The following PAX2 variants were observed in gnomAD, a reference collection of about 807,000 sequenced individuals.
PAX2 encodes the protein paired box protein Pax-2.
In PAX2, 9 loss-of-function variants were observed where a neutral mutation model predicts 41.7. The ratio of observed to expected loss-of-function variants is 0.22; its 90% CI spans 0.13 to 0.38. The LOEUF (loss-of-function observed/expected upper bound fraction) is 0.38, where lower values mean the gene tolerates loss of function less well. Among genes scored for constraint, PAX2 ranks in the 10% least tolerant of loss-of-function variants. The pLI is 1.00. For synonymous variants in PAX2, 221 were observed against 212.7 expected, an observed-to-expected ratio of 1.04 and a Z score of -0.34; for missense variants, 418 against 531.6, an observed-to-expected ratio of 0.79 and a Z score of 2.10.
chr10:100,825,322 C>T (rs1441820023), intron 8 of PAX2, among the ~76,000 whole-genome samples: 1 of 152,260 alleles, frequency 6.6e-6, no homozygotes, highest in East Asian at 1.9e-4. Flanking sequence ...GTGAGACAGG[C>T]TAGAACACCC....
intron 7 of PAX2, among the ~76,000 whole-genome samples, chr10:100,819,044 C>T (rs543366894): frequency 2.0e-5 from 3 of 151,382 alleles, no homozygotes; most frequent in East Asian, 3.9e-4. Context: ...GTCAGGAGTT[C>T]GAGACCAGCC....
intron 7 of PAX2, among the ~76,000 whole-genome samples, chr10:100,811,802 C>A (rs939427867): frequency 1.3e-5 from 2 of 152,114 alleles, no homozygotes; most frequent in South Asian, 4.1e-4. Flanking sequence ...TTAGGAGTGC[C>A]GAGGTGTTCA....
At chr10:100,745,478 G>A (rs969582334), upstream of PAX2, among the ~76,000 whole-genome samples, 8 of 152,118 alleles carry the variant, frequency 5.3e-5, no homozygotes, top group African/African-American at 1.7e-4. Flanking sequence ...GGAATCTATT[G>A]CCTTTGTCTG....
chr10:100,827,190 C>T lies in PAX2; in HGVS notation c.1108+95C>T. 9.8e-7 allele frequency: 1 copy of T among 1,021,226 alleles called. No homozygotes were observed. The allele number at this position is 1,021,226 out of a possible 1,614,324, so 63.3% of individuals were successfully genotyped here. ...GGCGACCCGACCTCTGGGGACCCGG[C>T]CGGGCCAGGGGGACAGGCTTGTTAG... On this transcript the variant is annotated intron_variant, in intron 9 of 9. Transcript: ENST00000355243. The surrounding 1 kb of genome is among the most constrained non-coding windows in gnomAD (Gnocchi z 8.5).
At chr10:100,794,250 G>A (rs11190713) in intron 5 of PAX2, among the ~76,000 whole-genome samples, 2,891 of 152,368 alleles carry the variant, frequency 0.019, 108 homozygotes, top group African/African-American at 0.067. Context: ...AAGTCATGCG[G>A]GTTGAGGGAA....
At chr10:100,801,913 G>T (rs1342199797) in intron 5 of PAX2, among the ~76,000 whole-genome samples, 2 of 152,218 alleles carry the variant, frequency 1.3e-5, no homozygotes. Context: ...ACCTCTCTTT[G>T]CTTCAGCTTC....
chr10:100,773,149 G>A (rs1441222814), intron 3 of PAX2, among the ~76,000 whole-genome samples: 1 of 152,226 alleles, frequency 6.6e-6, no homozygotes, highest in East Asian at 1.9e-4. Flanking sequence ...TATTAAATGG[G>A]TGACTTTGAG....
At chr10:100,800,178 C>T (rs753619381) in intron 5 of PAX2, among the ~76,000 whole-genome samples, 2 of 152,156 alleles carry the variant, frequency 1.3e-5, no homozygotes, top group Non-Finnish European at 2.9e-5. Flanking sequence ...TCATCCCACC[C>T]TGATTTTGTA....
intron 1 of PAX2, among the ~76,000 whole-genome samples, chr10:100,739,064 A>G (rs920591555): frequency 8.1e-5 from 11 of 135,086 alleles, no homozygotes; most frequent in Admixed American, 1.5e-4. Flanking sequence ...CCCCATAGCC[A>G]CCGCAACTCT....
At chr10:100,735,742 G>T in intron 1 of PAX2, 3 of 1,041,740 alleles carry the variant, frequency 2.9e-6, no homozygotes, top group East Asian at 5.6e-5. Context: ...AGGTAAGAGC[G>T]GCAGAGACCC....
chr10:100,780,760 T>C (rs534941146), intron 4 of PAX2, among the ~76,000 whole-genome samples: 2 of 152,030 alleles, frequency 1.3e-5, no homozygotes, highest in Non-Finnish European at 2.9e-5. Flanking sequence ...TAAATCAGGA[T>C]TGGTAAAGAC....
In PAX2 at chr10:100,751,557, C is replaced by T. The variant is rs75250138; in HGVS notation, c.410+666C>T. On this transcript the variant is annotated intron_variant, in intron 3 of 9. Coordinates refer to ENST00000355243, the MANE Select transcript of PAX2 (RefSeq NM_000278.5). ...TGATACCCTCAACCACCTAAGGTGC[C>T]TGTCTCCAGGCTGAAGTCTTTGCAC... 7.7e-3 allele frequency among the ~76,000 whole-genome samples: 1,178 copies of T among 152,320 alleles called. 10 individuals are homozygous for T. Among genetic ancestry groups the T allele is most frequent in the African/African-American group, 0.026 (1,099 of 41,562 alleles).
Position 100,748,084 on chromosome 10 carries a change from C to A in PAX2, c.44-1662C>A, listed in dbSNP as rs969016737. The stretch of plus-strand genomic sequence containing the variant: ...GTGGCGCATTCCAGGCCCGACTCAG[C>A]GCCGACTCGCTGCAGTCCCCCAGCC... On this transcript the variant is annotated intron_variant, in intron 1 of 9. Coordinates refer to ENST00000355243, the MANE Select transcript of PAX2 (RefSeq NM_000278.5). This position sits in a 1 kb window ranked among gnomAD's most constrained non-coding sequence, Gnocchi z 5.0. 8.1e-6 allele frequency: 8 copies of A among 985,038 alleles called. No individual in the cohort carries two copies. Among genetic ancestry groups the A allele is most frequent in the Non-Finnish European group, 9.6e-6 (8 of 829,872 alleles). The allele number at this position is 985,038 out of a possible 1,614,324, so 61.0% of individuals were successfully genotyped here.
chr10:100,756,219 C>A (rs1430122743), intron 3 of PAX2, among the ~76,000 whole-genome samples: 1 of 152,072 alleles, frequency 6.6e-6, no homozygotes, highest in African/African-American at 2.4e-5. Context: ...CCTATGAGCC[C>A]ACATGGGATA....
intron 3 of PAX2, among the ~76,000 whole-genome samples, chr10:100,778,569 G>C (rs1481222112): frequency 1.3e-5 from 2 of 152,196 alleles, no homozygotes; most frequent in African/African-American, 4.8e-5. Flanking sequence ...TGGGGACAAG[G>C]AACGCTATCA....
At chr10:100,818,842 G>C (rs538471881) in intron 7 of PAX2, among the ~76,000 whole-genome samples, 1 of 152,310 alleles carries the variant, frequency 6.6e-6, no homozygotes, top group African/African-American at 2.4e-5. Flanking sequence ...TATCATTCCA[G>C]GATCATTTCC....
intron 1 of PAX2, among the ~76,000 whole-genome samples, chr10:100,738,767 A>G (rs564902463): frequency 6.6e-6 from 1 of 152,294 alleles, no homozygotes; most frequent in South Asian, 2.1e-4. Context: ...AAAGTTAAGA[A>G]ATAATTCTGG....
chr10:100,737,615 C>T (rs920930094), intron 1 of PAX2, among the ~76,000 whole-genome samples: 4 of 152,250 alleles, frequency 2.6e-5, no homozygotes, highest in African/African-American at 9.6e-5. Flanking sequence ...GAGGCGGCTC[C>T]GCAGAGCAGA....
chr10:100,765,413 A>G (rs1845984624), intron 3 of PAX2, among the ~76,000 whole-genome samples: 1 of 152,182 alleles, frequency 6.6e-6, no homozygotes, highest in African/African-American at 2.4e-5. Flanking sequence ...ACACCCAAAT[A>G]CTTACAGAGT....
Sources: gnomAD v4.1 joint callset for allele counts (sites outside exome capture counted in the v4.1 genomes callset) on GRCh38, gnomAD v4.1.1 for gene constraint, Gnocchi (gnomAD v3.1) non-coding constraint, MANE v1.5 for transcripts, NCBI Gene and HGNC (gene_info 2026-07-23, HGNC 2026-07-21) for gene names.